Variants in SUPT3H observed in about 807,000 individuals in gnomAD.
SUPT3H encodes SPT3 homolog, SAGA and STAGA complex component.
Under a neutral mutation model 44.3 loss-of-function variants are expected in SUPT3H, and 44 were observed. The ratio of observed to expected loss-of-function variants is 0.99; its 90% CI spans 0.78 to 1.28. The LOEUF (loss-of-function observed/expected upper bound fraction) is 1.28, where lower values mean the gene tolerates loss of function less well. SUPT3H is among the 50% of genes most tolerant of loss of function. The pLI, the probability that SUPT3H is intolerant of heterozygous loss-of-function variation, is 0.00. For synonymous variants in SUPT3H, 124 were observed against 125.6 expected, an observed-to-expected ratio of 0.99 and a Z score of 0.09; for missense variants, 380 against 387.1, an observed-to-expected ratio of 0.98 and a Z score of 0.15.
intron 2 of SUPT3H, among the ~76,000 whole-genome samples, chr6:45,237,235 G>A (rs967692557): frequency 6.6e-6 from 1 of 152,170 alleles, no homozygotes; most frequent in Admixed American, 6.5e-5. Flanking sequence ...AGATACAGGA[G>A]TGGACATTTC....
chr6:45,145,898 A>G (rs529443915), intron 2 of SUPT3H, among the ~76,000 whole-genome samples: 1 of 152,290 alleles, frequency 6.6e-6, no homozygotes, highest in East Asian at 1.9e-4. Context: ...ACAAATGGCC[A>G]ACGAACATAT....
chr6:45,174,651 C>A (rs1159879648), intron 2 of SUPT3H, among the ~76,000 whole-genome samples: 2 of 152,094 alleles, frequency 1.3e-5, no homozygotes, highest in East Asian at 1.9e-4. Context: ...AAAAGAGGAA[C>A]ACACAGTCTG....
Position 44,826,944 on chromosome 6 carries a change from G to A in SUPT3H, c.*2872C>T, listed in dbSNP as rs1007939816. Among the ~76,000 whole-genome samples the A allele has an allele frequency of 6.6e-6, 1 of 152,096 alleles. No homozygotes were observed. The highest frequency in any genetic ancestry group is 1.5e-5 in the Non-Finnish European group (1 of 67,996). On this transcript the variant is annotated 3_prime_UTR_variant, in exon 11 of 11. Coordinates refer to ENST00000371459, the MANE Select transcript of SUPT3H (RefSeq NM_003599.4). ...GTTTTAAAATTGAAACAGTATTTTT[G>A]AATCACAACGATTACAATCTAAGAA... is the stretch of plus-strand genomic sequence containing the variant.
At position 45,367,377 on chromosome 6, in the gene SUPT3H, T is replaced by C. The variant is rs539703994; in HGVS notation, c.1-2076A>G. ...TTTTTTTAAGCCTAAATTTGTGCCA[T>C]TGTTTAAAAAGACTTTTGGAATAAG... On this transcript the variant is annotated intron_variant, in intron 1 of 10. Transcript: ENST00000371459. Among the ~76,000 whole-genome samples the C allele has an allele frequency of 1.8e-4, 28 of 152,140 alleles. No individual in the cohort carries two copies. In the South Asian group the frequency reaches 5.4e-3, roughly 29 times the overall value.
intron 10 of SUPT3H, among the ~76,000 whole-genome samples, chr6:44,864,669 A>T (rs1044180439): frequency 2.6e-5 from 4 of 152,172 alleles, no homozygotes; most frequent in African/African-American, 9.7e-5. Flanking sequence ...GGCCCCTTTC[A>T]GCCATGGCTG....
At chr6:44,997,088 T>C (rs1285614920) in intron 6 of SUPT3H, among the ~76,000 whole-genome samples, 1 of 151,826 alleles carries the variant, frequency 6.6e-6, no homozygotes, top group Non-Finnish European at 1.5e-5. Flanking sequence ...AAAGTAATTG[T>C]GGTTTTGCCA....
intron 2 of SUPT3H, among the ~76,000 whole-genome samples, chr6:45,301,418 T>A (rs1165026153): frequency 6.6e-6 from 1 of 152,214 alleles, no homozygotes; most frequent in Non-Finnish European, 1.5e-5. Context: ...ATTAGCCCTT[T>A]AAGTTTTTCC....
chr6:44,951,757 G>T (rs2153473129), intron 9 of SUPT3H, among the ~76,000 whole-genome samples: 1 of 152,222 alleles, frequency 6.6e-6, no homozygotes, highest in African/African-American at 2.4e-5. Context: ...GAAATAAAGA[G>T]TTTTCCTAGG....
intron 7 of SUPT3H, among the ~76,000 whole-genome samples, chr6:44,957,949 C>T (rs1004457994): frequency 3.9e-5 from 6 of 152,158 alleles, no homozygotes; most frequent in African/African-American, 1.2e-4. Context: ...GCTTTAGAGC[C>T]TCACCCTTCC....
intron 5 of SUPT3H, among the ~76,000 whole-genome samples, chr6:45,011,184 A>G (rs1258719986): frequency 6.6e-6 from 1 of 151,812 alleles, no homozygotes; most frequent in African/African-American, 2.4e-5. Context: ...TTTTCTTGTG[A>G]TATCTTTGTC....
chr6:44,883,144 C>T (rs1455395725), intron 10 of SUPT3H, among the ~76,000 whole-genome samples: 1 of 152,202 alleles, frequency 6.6e-6, no homozygotes, highest in African/African-American at 2.4e-5. Flanking sequence ...ACTCAATCAT[C>T]TCAGCCCAAA....
At chr6:45,346,589 A>G (rs2150161518) in intron 2 of SUPT3H, among the ~76,000 whole-genome samples, 1 of 122,784 alleles carries the variant, frequency 8.1e-6, no homozygotes, top group South Asian at 2.8e-4. Flanking sequence ...TTTTCTTGAG[A>G]TAGGGTCTCA....
chr6:45,126,835 T>C (rs1260812029), intron 2 of SUPT3H, among the ~76,000 whole-genome samples: 1 of 152,060 alleles, frequency 6.6e-6, no homozygotes, highest in East Asian at 1.9e-4. Flanking sequence ...AGTTTAAATA[T>C]CTCTGCAATT....
intron 10 of SUPT3H, among the ~76,000 whole-genome samples, chr6:44,915,454 G>A (rs1172048894): frequency 5.3e-5 from 8 of 152,070 alleles, no homozygotes; most frequent in Non-Finnish European, 1.2e-4. Flanking sequence ...AAAGTTCTAA[G>A]GCCCCCCAAC....
At chr6:45,340,317 GGTTT>G (rs995134936) in intron 2 of SUPT3H, among the ~76,000 whole-genome samples, 1 of 152,004 alleles carries the variant, frequency 6.6e-6, no homozygotes, top group Non-Finnish European at 1.5e-5. Context: ...ATTAAGGTGA[GGTTT>G]GTTAAGCCCC....
intron 3 of SUPT3H, among the ~76,000 whole-genome samples, chr6:45,050,349 C>T (rs550142736): frequency 1.8e-3 from 276 of 150,110 alleles, no homozygotes; most frequent in South Asian, 0.012. Flanking sequence ...CTATAAACCA[C>T]AAAATCATCT....
intron 6 of SUPT3H, among the ~76,000 whole-genome samples, chr6:44,976,179 C>A (rs1237793271): frequency 1.3e-5 from 2 of 151,926 alleles, no homozygotes; most frequent in African/African-American, 2.4e-5. Flanking sequence ...AAATTTTTTT[C>A]CTGAGAATGC....
At chr6:45,245,695 T>C (rs923367056) in intron 2 of SUPT3H, among the ~76,000 whole-genome samples, 1 of 152,180 alleles carries the variant, frequency 6.6e-6, no homozygotes, top group Non-Finnish European at 1.5e-5. Flanking sequence ...CTGATGGACA[T>C]GTTGGTTGTT....
chr6:45,307,795 A>G (rs184754234), intron 2 of SUPT3H, among the ~76,000 whole-genome samples: 164 of 152,362 alleles, frequency 1.1e-3, no homozygotes, highest in Admixed American at 0.01. Flanking sequence ...TTGAGAGAAG[A>G]AGGCTTCAGA....
Sources: gnomAD v4.1 joint callset for allele counts (sites outside exome capture counted in the v4.1 genomes callset) on GRCh38, gnomAD v4.1.1 for gene constraint, MANE v1.5 for transcripts, NCBI Gene and HGNC (gene_info 2026-07-23, HGNC 2026-07-21) for gene names.